Variants in FOXP2 observed in about 807,000 individuals in gnomAD.
The protein encoded by FOXP2 is forkhead box P2, also known as forkhead box protein P2.
Under a neutral mutation model 115.8 loss-of-function variants are expected in FOXP2, and 12 were observed. The ratio of observed to expected loss-of-function variants is 0.10; its 90% CI spans 0.07 to 0.17. The LOEUF (loss-of-function observed/expected upper bound fraction) is 0.17, where lower values mean the gene tolerates loss of function less well. FOXP2 is among the 10% of genes least tolerant of loss of function. FOXP2 has a pLI of 1.00. For synonymous variants in FOXP2, 328 were observed against 297.7 expected (o/e 1.10, Z -1.05); for missense variants, 629 against 843.5 (o/e 0.75, Z 3.15).
chr7:114,434,737 G>T (rs960451762), intron 2 of FOXP2, among the ~76,000 whole-genome samples: 1 of 151,936 alleles, frequency 6.6e-6, no homozygotes, highest in African/African-American at 2.4e-5. Flanking sequence ...AACTGGTACT[G>T]TCAAATTAAT....
intron 2 of FOXP2, among the ~76,000 whole-genome samples, chr7:114,513,950 T>C (rs1798198549): frequency 6.6e-6 from 1 of 152,046 alleles, no homozygotes; most frequent in African/African-American, 2.4e-5. Flanking sequence ...TGTGTGAAAA[T>C]ATTTATGACA....
At chr7:114,641,645 T>A (rs539374046) in intron 6 of FOXP2, among the ~76,000 whole-genome samples, 1 of 152,106 alleles carries the variant, frequency 6.6e-6, no homozygotes, top group East Asian at 1.9e-4. Context: ...TTTTCCCTTT[T>A]ATTTATTTAT....
At chr7:114,371,657 T>C (rs1374818394) in intron 2 of FOXP2, among the ~76,000 whole-genome samples, 2 of 152,058 alleles carry the variant, frequency 1.3e-5, no homozygotes, top group Non-Finnish European at 2.9e-5. Context: ...ATTTTAAAAT[T>C]ATAATATGTT....
rs539488157 is a variant in FOXP2, at chr7:114,674,631, A to G, written c.2003+10195A>G. ...ATAAGAAATGGGAATAAAGAACTAC[A>G]TAAGTAATAACTCTGTTGTATAATT... is the stretch of plus-strand genomic sequence containing the variant. On this transcript the variant is annotated intron_variant, in intron 16 of 16. Coordinates refer to ENST00000350908, the MANE Select transcript of FOXP2 (RefSeq NM_014491.4). 4.6e-5 allele frequency among the ~76,000 whole-genome samples: 7 copies of G among 152,318 alleles called. No homozygotes were observed. In the South Asian group the frequency reaches 1.4e-3, roughly 32 times the overall value.
intron 2 of FOXP2, among the ~76,000 whole-genome samples, chr7:114,294,758 T>G (rs977477445): frequency 2.6e-5 from 4 of 151,960 alleles, no homozygotes; most frequent in African/African-American, 9.7e-5. Flanking sequence ...GGAGAATCAC[T>G]TGAACCCGGG....
At chr7:114,350,799 C>CT (rs1280255453) in intron 2 of FOXP2, among the ~76,000 whole-genome samples, 1 of 152,004 alleles carries the variant, frequency 6.6e-6, no homozygotes, top group East Asian at 1.9e-4. Flanking sequence ...TATTATATTT[C>CT]TTTTTACAAT....
chr7:114,225,302 G>A (rs768108175), intron 1 of FOXP2, among the ~76,000 whole-genome samples: 9 of 151,806 alleles, frequency 5.9e-5, no homozygotes, highest in Admixed American at 6.6e-5. Flanking sequence ...GTCTTGTATG[G>A]CCTTCCCCCC....
chr7:114,535,549 T>C (rs1028793922), intron 3 of FOXP2, among the ~76,000 whole-genome samples: 2 of 151,604 alleles, frequency 1.3e-5, no homozygotes, highest in African/African-American at 4.8e-5. Flanking sequence ...AACAAAACAA[T>C]TTTTTATGGC....
chr7:114,395,991 A>AT (rs1792727839), intron 2 of FOXP2, among the ~76,000 whole-genome samples: 1 of 152,016 alleles, frequency 6.6e-6, no homozygotes, highest in African/African-American at 2.4e-5. Flanking sequence ...CAACTCAAAC[A>AT]TTTATCCTTT....
intron 1 of FOXP2, among the ~76,000 whole-genome samples, chr7:114,176,242 T>C (rs1329871039): frequency 8.0e-5 from 12 of 150,828 alleles, no homozygotes; most frequent in Middle Eastern, 3.2e-3. Context: ...TTTTCTTTCT[T>C]TCTTTCTCTC....
chr7:114,131,666 C>T (rs1791881919), intron 1 of FOXP2, among the ~76,000 whole-genome samples: 1 of 152,104 alleles, frequency 6.6e-6, no homozygotes. Flanking sequence ...GAGGACTTTT[C>T]CCTGTTTACT....
chr7:114,199,614 CT>C (rs1324176447), intron 1 of FOXP2, among the ~76,000 whole-genome samples: 1 of 152,150 alleles, frequency 6.6e-6, no homozygotes, highest in Admixed American at 6.6e-5. Context: ...GTTATCACAT[CT>C]GCAAAATGCA....
intron 1 of FOXP2, among the ~76,000 whole-genome samples, chr7:114,096,334 A>G (rs965104006): frequency 7.2e-5 from 11 of 152,236 alleles, no homozygotes; most frequent in African/African-American, 2.7e-4. Context: ...TGACTTTGTT[A>G]TCCCAAATAA....
chr7:114,571,218 A>G (rs1277417549), intron 3 of FOXP2, among the ~76,000 whole-genome samples: 1 of 151,920 alleles, frequency 6.6e-6, no homozygotes, highest in Non-Finnish European at 1.5e-5. Context: ...ATGGGCATAG[A>G]TAATGAGTTG....
intron 8 of FOXP2, chr7:114,645,272 GA>G (rs2129334838): frequency 6.8e-6 from 1 of 147,418 alleles, no homozygotes; most frequent in South Asian, 2.2e-4. Context: ...GTAACTACAA[GA>G]ATTAAAAGTG....
At chr7:114,418,296 A>T (rs183250600) in intron 1 of FOXP2, among the ~76,000 whole-genome samples, 1 of 152,102 alleles carries the variant, frequency 6.6e-6, no homozygotes, top group Admixed American at 6.6e-5. Flanking sequence ...CTATTGATGC[A>T]GGACTGGTGA....
At chr7:114,148,029 A>G (rs1172106251) in intron 1 of FOXP2, among the ~76,000 whole-genome samples, 1 of 152,198 alleles carries the variant, frequency 6.6e-6, no homozygotes, top group Non-Finnish European at 1.5e-5. Flanking sequence ...AAGCCATTCA[A>G]CTGCACAGAG....
chr7:114,503,219 T>C (rs949734609), intron 2 of FOXP2, among the ~76,000 whole-genome samples: 1 of 151,940 alleles, frequency 6.6e-6, no homozygotes, highest in African/African-American at 2.4e-5. Context: ...CAATCATTTT[T>C]TTGGTTCAAG....
chr7:114,518,430 C>T (rs1428085590), intron 2 of FOXP2, among the ~76,000 whole-genome samples: 5 of 151,962 alleles, frequency 3.3e-5, no homozygotes. Flanking sequence ...AATTATTATA[C>T]AGATACCACA....
Sources: gnomAD v4.1 joint callset for allele counts (sites outside exome capture counted in the v4.1 genomes callset) on GRCh38, gnomAD v4.1.1 for gene constraint, MANE v1.5 for transcripts, NCBI Gene and HGNC (gene_info 2026-07-23, HGNC 2026-07-21) for gene names.